The following DERPC variants were observed in gnomAD, a reference collection of about 807,000 sequenced individuals.
DERPC encodes the protein DERPC proline and glycine rich nuclear protein, also known as decreased expression in renal and prostate cancer protein.
A neutral mutation model predicts 7.2 loss-of-function variants in DERPC; 1 was observed. That is an observed-to-expected ratio of 0.14 (90% confidence interval 0.05 to 0.66). The LOEUF is 0.66. DERPC is among the 30% of genes least tolerant of loss of function. The probability of loss-of-function intolerance (pLI) is 0.84; values close to 1 mark genes in which losing one functional copy is unlikely to be tolerated. For synonymous variants in DERPC, 185 were observed against 117.6 expected (o/e 1.57, Z -3.71); for missense variants, 502 against 299.4 (o/e 1.68, Z -4.99).
intron 1 of DERPC, among the ~76,000 whole-genome samples, chr16:69,127,542 T>C (rs975527850): frequency 6.6e-6 from 1 of 150,704 alleles, no homozygotes; most frequent in African/African-American, 2.4e-5. Flanking sequence ...ATTTGATGAA[T>C]ACGCTATACA....
Position 69,119,185 on chromosome 16 carries a change from C to T in DERPC, c.1244G>A (p.Arg415Lys), listed in dbSNP as rs1443336974. Residue 415 changes from arginine (R) to lysine (K), a missense_variant, in exon 3 of 3, where the codon AGG (arginine) becomes AAG (lysine). Physicochemically the swap from Arg to Lys is conservative, Grantham distance 26 (BLOSUM62 2). Transcript: ENST00000519520. ...ACTTGGACCCTGCAGGCCAGTGGCCCTTGGGAAGTTAGCTGGGTTGGGGCC... is the reference window on the plus strand; with the variant it reads ...ACTTGGACCCTGCAGGCCAGTGGCCTTTGGGAAGTTAGCTGGGTTGGGGCC... ...PLGPNPANFP[R>K]ATGLQGPSPT... is the part of the protein sequence containing the mutation. 10 of 703,030 alleles carry T rather than the reference C, an allele frequency of 1.4e-5. No individual in the cohort carries two copies. Among genetic ancestry groups the T allele is most frequent in the Non-Finnish European group, 2.3e-5 (9 of 385,022 alleles). 43.5% of individuals were successfully genotyped at this position (703,030 alleles called of 1,614,324 possible). A position where few individuals can be genotyped will look rare whatever the true frequency, so the allele number is the denominator to read the frequency against.
Position 69,118,033 on chromosome 16 carries a change from G to GAAAC in DERPC, c.*817_*820dup, listed in dbSNP as rs1358509994. On this transcript the variant is annotated 3_prime_UTR_variant, in exon 3 of 3. Coordinates refer to ENST00000519520, the MANE Select transcript of DERPC (RefSeq NM_001002847.4). ...CAGCCCTCTCATCCCATTTATTAAA[G>GAAAC]AAACAGTAAGAAAAGATACAATGCA... The GAAAC allele has an allele frequency of 2.7e-6, 1 of 372,242 alleles. No homozygotes were observed. The highest frequency in any genetic ancestry group is 5.1e-5 in the East Asian group (1 of 19,474). 23.1% of individuals were successfully genotyped at this position (372,242 alleles called of 1,614,324 possible). A position where few individuals can be genotyped will look rare whatever the true frequency, so the allele number is the denominator to read the frequency against.
In DERPC at chr16:69,119,202, G is replaced by A. The variant is rs992784148; in HGVS notation, c.1227C>T (p.Asn409=). The A allele has an allele frequency of 1.4e-6, 1 of 703,068 alleles. No individual in the cohort carries two copies. The highest frequency in any genetic ancestry group is 2.6e-6 in the Non-Finnish European group (1 of 385,012). The allele number at this position is 703,068 out of a possible 1,614,324, so 43.6% of individuals were successfully genotyped here. A position where few individuals can be genotyped will look rare whatever the true frequency, so the allele number is the denominator to read the frequency against. ...CAGTGGCCCTTGGGAAGTTAGCTGG[G>A]TTGGGGCCAAGTGGCCCAGAGGCTC... is the stretch of plus-strand genomic sequence containing the variant. ...FPRASGPLGP[N]PANFPRATGL... The change falls in exon 3 of 3, where the codon AAC becomes AAT. Residue 409 remains asparagine (N), a synonymous_variant. Transcript: ENST00000519520.
chr16:69,120,740 T>C lies in DERPC; in HGVS notation c.-221-91A>G, dbSNP rs183266926. On this transcript the variant is annotated intron_variant, in intron 2 of 2. Transcript: ENST00000519520. The surrounding 1 kb of genome is among the most constrained non-coding windows in gnomAD (Gnocchi z 4.0). ...TAAAGCTGCTCTTGGCAGGCTATGC[T>C]GGCACCTCCAATCCCTGGTCTGGCT... 2.4e-3 allele frequency: 2,640 copies of C among 1,108,736 alleles called. 8 individuals carry two copies. The highest frequency in any genetic ancestry group is 3.1e-3 in the Non-Finnish European group (2,343 of 752,892). 68.7% of individuals were successfully genotyped at this position (1,108,736 alleles called of 1,614,324 possible). A position where few individuals can be genotyped will look rare whatever the true frequency, so the allele number is the denominator to read the frequency against.
Position 69,120,791 on chromosome 16 carries a change from GA to G in DERPC, c.-221-143del. On this transcript the variant is annotated intron_variant, in intron 2 of 2. Coordinates refer to ENST00000519520, the MANE Select transcript of DERPC (RefSeq NM_001002847.4). The surrounding 1 kb of genome is among the most constrained non-coding windows in gnomAD (Gnocchi z 4.0). Reference sequence around the variant, plus strand: ...CTGCCATTGTTGAGCAGCCACACTGGACCACCCACCCATGTGCCCTTTTTAC... The same window carrying G: ...CTGCCATTGTTGAGCAGCCACACTGGCCACCCACCCATGTGCCCTTTTTAC... 1.3e-6 allele frequency: 1 copy of G among 760,090 alleles called. No individual in the cohort carries two copies. Among genetic ancestry groups the G allele is most frequent in the Non-Finnish European group, 2.2e-6 (1 of 449,482 alleles). 47.1% of individuals were successfully genotyped at this position (760,090 alleles called of 1,614,324 possible).
chr16:69,121,670 G>C (rs1046533824), intron 1 of DERPC, among the ~76,000 whole-genome samples, 177 bp from the exon 2 acceptor site: 5 of 151,222 alleles, frequency 3.3e-5, no homozygotes, highest in Admixed American at 3.3e-4. Flanking sequence ...GTAGAGATGG[G>C]GTTTTTTTTT....
At position 69,129,426 on chromosome 16, in the gene DERPC, T is replaced by A. The variant is rs867849817; in HGVS notation, c.-280+3058A>T. Among the ~76,000 whole-genome samples, 693 of 76,018 alleles carry A rather than the reference T, an allele frequency of 9.1e-3. 8 individuals carry two copies. Among genetic ancestry groups the A allele is most frequent in the African/African-American group, 0.037 (640 of 17,086 alleles). The allele number at this position is 76,018 out of a possible 152,430, so 49.9% of individuals were successfully genotyped here. The stretch of plus-strand genomic sequence containing the variant: ...GCCTAGGCAACAGAGCGAGACTCCG[T>A]CACAAAAAAAAAAAAAAAAAAAAAG... On this transcript the variant is annotated intron_variant, in intron 1 of 2. Coordinates refer to ENST00000519520, the MANE Select transcript of DERPC (RefSeq NM_001002847.4).
In DERPC at chr16:69,120,065, C is replaced by T. The variant is rs1371811315; in HGVS notation, c.364G>A (p.Gly122Ser). ...FPRPGGLLGP[G>S]PGPGPTLNPR... is the part of the protein sequence containing the mutation. Reference sequence around the variant, plus strand: ...TTTAGGGTGGGGCCTGGGCCTGGGCCTGGCCCCAAGAGGCCACCAGGCCTT... The same window carrying T: ...TTTAGGGTGGGGCCTGGGCCTGGGCTTGGCCCCAAGAGGCCACCAGGCCTT... The change falls in exon 3 of 3, where the codon GGC (glycine) becomes AGC (serine). Residue 122 changes from glycine (G) to serine (S), a missense_variant. Physicochemically the swap from Gly to Ser is moderately conservative, Grantham distance 56 (BLOSUM62 0). Transcript: ENST00000519520. This position sits in a 1 kb window ranked among gnomAD's most constrained non-coding sequence, Gnocchi z 4.0. 5.8e-6 allele frequency: 4 copies of T among 691,088 alleles called. No individual in the cohort carries two copies. The Admixed American group carries it at 8.5e-5, about 15-fold the overall frequency. 42.8% of individuals were successfully genotyped at this position (691,088 alleles called of 1,614,324 possible). A position where few individuals can be genotyped will look rare whatever the true frequency, so the allele number is the denominator to read the frequency against.
chr16:69,127,265 C>CT (rs1567593341), intron 1 of DERPC, among the ~76,000 whole-genome samples: 3 of 149,712 alleles, frequency 2.0e-5, no homozygotes, highest in African/African-American at 7.3e-5. Flanking sequence ...CATATGAGAA[C>CT]ATGCAACCCA....
At chr16:69,126,965 G>A (rs1282830515) in intron 1 of DERPC, among the ~76,000 whole-genome samples, 5 of 152,094 alleles carry the variant, frequency 3.3e-5, no homozygotes, top group Non-Finnish European at 5.9e-5. Context: ...AAGTGTATGA[G>A]GCCGGGCGCG....
At chr16:69,130,279 T>C (rs1471462153) in intron 1 of DERPC, among the ~76,000 whole-genome samples, 1 of 152,102 alleles carries the variant, frequency 6.6e-6, no homozygotes, top group African/African-American at 2.4e-5. Flanking sequence ...AATAACTAAA[T>C]TTTAATAAAG....
chr16:69,120,263 C>G lies in DERPC; in HGVS notation c.166G>C (p.Gly56Arg), dbSNP rs554038150. Residue 56 changes from glycine (G) to arginine (R), a missense_variant, in exon 3 of 3, where the codon GGT becomes CGT. Physicochemically the swap from Gly to Arg is moderately radical, Grantham distance 125 (BLOSUM62 -2). Transcript: ENST00000519520. This position sits in a 1 kb window ranked among gnomAD's most constrained non-coding sequence, Gnocchi z 4.0. ...GGGGTCAGATTTCCACCAAGAGAAC[C>G]GGCCGCCATAAGGAAGGGATCCGAG... ...VNSDPFLMAAGSLGGNLTPFP... is the reference protein window; with the variant it reads ...VNSDPFLMAARSLGGNLTPFP... 2 of 729,094 alleles carry G rather than the reference C, an allele frequency of 2.7e-6. No homozygotes were observed. The highest frequency in any genetic ancestry group is 3.5e-5 in the African/African-American group (2 of 57,658). The allele number at this position is 729,094 out of a possible 1,614,324, so 45.2% of individuals were successfully genotyped here.
At position 69,119,723 on chromosome 16, in the gene DERPC, G is replaced by T. The variant is rs987954371; in HGVS notation, c.706C>A (p.Pro236Thr). ...SGVFPGPGLG[P>T]NPRPSGLGPG... ...CCCAGGCCACTTGGTCTTGGGTTGG[G>T]CCCAAGGCCTGGGCCTGGAAACACA... The change falls in exon 3 of 3, where the codon CCC (proline) becomes ACC (threonine). Residue 236 changes from proline (P) to threonine (T), a missense_variant. Pro to Thr is a conservative substitution (Grantham distance 38). Transcript: ENST00000519520. 24 of 687,692 alleles carry T rather than the reference G, an allele frequency of 3.5e-5. No homozygotes were observed. Among genetic ancestry groups the T allele is most frequent in the Non-Finnish European group, 6.1e-5 (23 of 375,286 alleles). The allele number at this position is 687,692 out of a possible 1,614,324, so 42.6% of individuals were successfully genotyped here. A position where few individuals can be genotyped will look rare whatever the true frequency, so the allele number is the denominator to read the frequency against.
chr16:69,120,601 T>C lies in DERPC; in HGVS notation c.-173A>G, dbSNP rs926359969. 8 of 1,613,784 alleles carry C rather than the reference T, an allele frequency of 5.0e-6. No individual in the cohort carries two copies. In the Admixed American group the frequency reaches 6.7e-5, roughly 13 times the overall value. ...ACTGCAAAAGGTTTCTCCAGGTGGA[T>C]GATTTTCCCATACAGGATATGATGC... On this transcript the variant is annotated 5_prime_UTR_variant, in exon 3 of 3. Transcript: ENST00000519520. The surrounding 1 kb of genome is among the most constrained non-coding windows in gnomAD (Gnocchi z 4.0).
Position 69,119,488 on chromosome 16 carries a change from C to A in DERPC, c.941G>T (p.Gly314Val). Reference protein sequence around the residue: ...SSMARVPGPMGPNSGPSSRGI... With the variant: ...SSMARVPGPMVPNSGPSSRGI... ...CCGAGAGCTAGGACCCGAGTTTGGG[C>A]CCATGGGGCCAGGTACTCTTGCCAT... The change falls in exon 3 of 3, where the codon GGC (glycine) becomes GTC (valine). Residue 314 changes from glycine to valine, a missense_variant. By Grantham distance (109) the Gly-to-Val change is moderately radical. Transcript: ENST00000519520. 2 of 703,002 alleles carry A rather than the reference C, an allele frequency of 2.8e-6. No individual in the cohort carries two copies. The highest frequency in any genetic ancestry group is 5.2e-6 in the Non-Finnish European group (2 of 385,016). 43.5% of individuals were successfully genotyped at this position (703,002 alleles called of 1,614,324 possible).
chr16:69,125,751 T>C (rs1392162016), intron 1 of DERPC, among the ~76,000 whole-genome samples: 1 of 152,248 alleles, frequency 6.6e-6, no homozygotes, highest in African/African-American at 2.4e-5. Flanking sequence ...ATAAGGTTTC[T>C]TGAAGAAGGA....
chr16:69,126,722 A>C (rs1962085219), intron 1 of DERPC, among the ~76,000 whole-genome samples: 1 of 152,202 alleles, frequency 6.6e-6, no homozygotes, highest in Non-Finnish European at 1.5e-5. Flanking sequence ...ATTTACTACT[A>C]GTCAGGAACG....
chr16:69,130,891 C>T (rs1241895915), intron 1 of DERPC, among the ~76,000 whole-genome samples: 1 of 152,190 alleles, frequency 6.6e-6, no homozygotes, highest in Non-Finnish European at 1.5e-5. Flanking sequence ...TGTGGTTCAC[C>T]AAACTGCTTC....
intron 1 of DERPC, among the ~76,000 whole-genome samples, chr16:69,131,614 C>T (rs1258722027): frequency 6.9e-6 from 1 of 145,950 alleles, no homozygotes; most frequent in Non-Finnish European, 1.5e-5. Flanking sequence ...CCCTCTTCTC[C>T]ACCCCCCTCC....
Sources: gnomAD v4.1 joint callset for allele counts (sites outside exome capture counted in the v4.1 genomes callset) on GRCh38, gnomAD v4.1.1 for gene constraint, Gnocchi (gnomAD v3.1) non-coding constraint, MANE v1.5 for transcripts, NCBI Gene and HGNC (gene_info 2026-07-23, HGNC 2026-07-21) for gene names.